The following SH3PXD2A variants were observed in gnomAD, a reference collection of about 807,000 sequenced individuals.
SH3PXD2A encodes SH3 and PX domain-containing protein 2A.
SH3PXD2A carries 32 observed loss-of-function variants against 115.2 expected under a neutral mutation model. That is an observed-to-expected ratio of 0.28 (90% CI 0.21 to 0.37). The LOEUF is 0.37. SH3PXD2A is among the 10% of genes least tolerant of loss of function. The pLI is 1.00. For missense variants in SH3PXD2A, 1,328 were observed against 1,498.7 expected, an observed-to-expected ratio of 0.89 and a Z score of 1.88; for synonymous variants, 610 against 629.1, an observed-to-expected ratio of 0.97 and a Z score of 0.45.
chr10:103,668,357 A>T (rs2037411418), intron 7 of SH3PXD2A, among the ~76,000 whole-genome samples: 1 of 152,212 alleles, frequency 6.6e-6, no homozygotes, highest in South Asian at 2.1e-4. Flanking sequence ...TGGAATTCAG[A>T]CCCACACACC....
intron 1 of SH3PXD2A, among the ~76,000 whole-genome samples, chr10:103,822,339 C>A (rs546553220): frequency 8.5e-5 from 13 of 152,366 alleles, no homozygotes; most frequent in Admixed American, 5.9e-4. Context: ...ACACTCTAAG[C>A]AAAGACAGGG....
At chr10:103,711,729 C>A (rs1478267593) in intron 5 of SH3PXD2A, among the ~76,000 whole-genome samples, 1 of 152,160 alleles carries the variant, frequency 6.6e-6, no homozygotes, top group Non-Finnish European at 1.5e-5. Flanking sequence ...ACCAACAGGT[C>A]TCCAAAACCT....
chr10:103,690,894 TGA>T (rs2037741379), intron 6 of SH3PXD2A, among the ~76,000 whole-genome samples: 1 of 152,154 alleles, frequency 6.6e-6, no homozygotes, highest in South Asian at 2.1e-4. Flanking sequence ...TTTTCAACCA[TGA>T]CACTAAGTGG....
rs543513174 is a variant in SH3PXD2A at position 103,614,918 on chromosome 10, C to T, written c.921-1728G>A. Among the ~76,000 whole-genome samples the T allele has an allele frequency of 3.2e-4, 49 of 152,340 alleles. 1 individual carries two copies. In the South Asian group the frequency reaches 0.01, roughly 32 times the overall value. On this transcript the variant is annotated intron_variant, in intron 11 of 14. Coordinates refer to ENST00000369774, the MANE Select transcript of SH3PXD2A (RefSeq NM_001394015.1). ...CCTTACGTTCTGTCACAGAAACATG[C>T]AGGCAGGCTGAGCCAAGCTCGCCTC...
chr10:103,801,566 C>CACACACACACACACACACACAT (rs1279669002), intron 1 of SH3PXD2A, among the ~76,000 whole-genome samples: 1 of 151,932 alleles, frequency 6.6e-6, no homozygotes, highest in African/African-American at 2.4e-5. Context: ...CACACACACA[C>CACACACACACACACACACACAT]ATACCCCTAG....
chr10:103,768,971 T>C (rs1362472574), intron 2 of SH3PXD2A, among the ~76,000 whole-genome samples: 1 of 151,944 alleles, frequency 6.6e-6, no homozygotes, highest in Non-Finnish European at 1.5e-5. Context: ...AACAACTGGC[T>C]CTCACTCATT....
At chr10:103,608,238 GA>G (rs2036364094) in intron 13 of SH3PXD2A, among the ~76,000 whole-genome samples, 1 of 148,832 alleles carries the variant, frequency 6.7e-6, no homozygotes, top group South Asian at 2.1e-4. Context: ...CAGGCTTCCG[GA>G]GTCCCGGAAG....
At chr10:103,809,862 G>A (rs1006763282) in intron 1 of SH3PXD2A, among the ~76,000 whole-genome samples, 14 of 138,180 alleles carry the variant, frequency 1.0e-4, no homozygotes, top group South Asian at 4.7e-4. Flanking sequence ...TTTTTTTTTA[G>A]TATTTTAGTA....
intron 8 of SH3PXD2A, among the ~76,000 whole-genome samples, chr10:103,632,698 G>A (rs774649930): frequency 4.6e-5 from 7 of 152,200 alleles, no homozygotes; most frequent in Non-Finnish European, 8.8e-5. Context: ...AGCCTGGGCC[G>A]GGCGCGGTGG....
chr10:103,802,380 A>C (rs1464817374), intron 1 of SH3PXD2A, among the ~76,000 whole-genome samples: 1 of 152,092 alleles, frequency 6.6e-6, no homozygotes, highest in Non-Finnish European at 1.5e-5. Flanking sequence ...GACTGGAAAA[A>C]CTTTTCTCTT....
intron 8 of SH3PXD2A, among the ~76,000 whole-genome samples, chr10:103,641,395 C>T (rs751335728): frequency 5.9e-5 from 9 of 152,200 alleles, no homozygotes; most frequent in East Asian, 5.8e-4. Context: ...TCCCCAGGTC[C>T]GTGAAATCTT....
intron 8 of SH3PXD2A, among the ~76,000 whole-genome samples, chr10:103,648,899 T>C (rs1413614085): frequency 6.6e-6 from 1 of 152,256 alleles, no homozygotes; most frequent in Non-Finnish European, 1.5e-5. Flanking sequence ...CTCAAGACTA[T>C]GTCTCAGCTG....
rs1437601348 is a variant in SH3PXD2A at position 103,594,970 on chromosome 10, G to A, written c.*6846C>T. The A allele has an allele frequency of 6.6e-6, 1 of 152,320 alleles. No homozygotes were observed. Among genetic ancestry groups the A allele is most frequent in the African/African-American group, 2.4e-5 (1 of 41,568 alleles). The allele number at this position is 152,320 out of a possible 1,614,324, so 9.4% of individuals were successfully genotyped here. A position where few individuals can be genotyped will look rare whatever the true frequency, so the allele number is the denominator to read the frequency against. On this transcript the variant is annotated 3_prime_UTR_variant, in exon 15 of 15. Transcript: ENST00000369774. ...TTGTGGAGGTGGGTCCCTACTGTAT[G>A]ACCCATTGTGGTCACTGCTCTTTGA... is the stretch of plus-strand genomic sequence containing the variant.
intron 1 of SH3PXD2A, among the ~76,000 whole-genome samples, chr10:103,830,225 A>C (rs1430593179): frequency 1.3e-5 from 2 of 152,276 alleles, no homozygotes; most frequent in African/African-American, 4.8e-5. Context: ...TGGTCCTATC[A>C]GTGAGAACTG....
At chr10:103,701,359 A>AT (rs2037900335) in intron 5 of SH3PXD2A, among the ~76,000 whole-genome samples, 2 of 133,872 alleles carry the variant, frequency 1.5e-5, no homozygotes, top group Admixed American at 7.8e-5. Context: ...CCATCCACCC[A>AT]TCATCTATCC....
chr10:103,738,034 A>C (rs2038399467), intron 3 of SH3PXD2A, among the ~76,000 whole-genome samples: 1 of 152,152 alleles, frequency 6.6e-6, no homozygotes, highest in South Asian at 2.1e-4. Context: ...GCAGATGCTC[A>C]ATGAGTGCTT....
At chr10:103,820,515 C>T (rs1346119374) in intron 1 of SH3PXD2A, among the ~76,000 whole-genome samples, 1 of 152,172 alleles carries the variant, frequency 6.6e-6, no homozygotes, top group Non-Finnish European at 1.5e-5. Context: ...GCCAGCCCTC[C>T]TCCCCCAGTG....
chr10:103,767,810 G>GTTTTTTTTTTTTTTTTTTT (rs34903223), intron 2 of SH3PXD2A, among the ~76,000 whole-genome samples: 3 of 67,740 alleles, frequency 4.4e-5, no homozygotes, highest in African/African-American at 1.1e-4. Flanking sequence ...CAACTGTTTT[G>GTTTTTTTTTTTTTTTTTTT]TTTTTTTTTT....
intron 1 of SH3PXD2A, among the ~76,000 whole-genome samples, chr10:103,809,658 TCTCC>T (rs1236435369): frequency 0.058 from 405 of 7,034 alleles, 1 homozygote; most frequent in African/African-American, 0.12. Context: ...CCTCCTTCCC[TCTCC>T]CTCCCTCCCT....
Sources: gnomAD v4.1 joint callset for allele counts (sites outside exome capture counted in the v4.1 genomes callset) on GRCh38, gnomAD v4.1.1 for gene constraint, MANE v1.5 for transcripts, NCBI Gene and HGNC (gene_info 2026-07-23, HGNC 2026-07-21) for gene names.